Variants in CCDC171 observed in about 807,000 individuals in gnomAD.
CCDC171 encodes coiled-coil domain containing 171.
A neutral mutation model predicts 168.2 loss-of-function variants in CCDC171; 177 were observed. That is an observed-to-expected ratio of 1.05 (90% CI 0.93 to 1.19). The LOEUF is 1.19. CCDC171 is among the 50% of genes most tolerant of loss of function. The pLI, the probability that CCDC171 is intolerant of heterozygous loss-of-function variation, is 0.00. For missense variants in CCDC171, 1,991 were observed against 1,539.0 expected (o/e 1.29, Z -4.91); for synonymous variants, 687 against 540.8 (o/e 1.27, Z -3.75).
the CCDC171 span, among the ~76,000 whole-genome samples, chr9:16,090,875 G>C: frequency 6.6e-6 from 1 of 152,218 alleles, no homozygotes; most frequent in African/African-American, 2.4e-5. Flanking sequence ...TTCCTTTTAA[G>C]AGGGATGATC....
intron 10 of CCDC171, among the ~76,000 whole-genome samples, chr9:15,689,103 T>C (rs1465442114): frequency 1.3e-5 from 2 of 152,184 alleles, no homozygotes; most frequent in Non-Finnish European, 2.9e-5. Context: ...AAGGAAACAA[T>C]TCTATTGACA....
chr9:15,625,066 G>C (rs2044940628), intron 7 of CCDC171, among the ~76,000 whole-genome samples: 1 of 152,202 alleles, frequency 6.6e-6, no homozygotes, highest in Non-Finnish European at 1.5e-5. Context: ...CTGATGGTCA[G>C]TGATGATGAG....
At chr9:15,764,612 C>A in intron 18 of CCDC171, among the ~76,000 whole-genome samples, 1 of 152,106 alleles carries the variant, frequency 6.6e-6, no homozygotes, top group East Asian at 1.9e-4. Flanking sequence ...AAGAGAAAAT[C>A]AAGAGTTTTT....
intron 24 of CCDC171, 45 bp from the exon 25 acceptor site, chr9:15,920,225 A>C (rs754584049): frequency 2.5e-6 from 3 of 1,218,544 alleles, no homozygotes; most frequent in Non-Finnish European, 1.1e-6. Flanking sequence ...TCCTTTGGGG[A>C]CATATTTATT....
At chr9:15,750,268 G>T (rs2055629584) in intron 18 of CCDC171, among the ~76,000 whole-genome samples, 1 of 152,004 alleles carries the variant, frequency 6.6e-6, no homozygotes, top group African/African-American at 2.4e-5. Flanking sequence ...GACTAAACCA[G>T]GAAGAAGTCG....
intron 6 of CCDC171, among the ~76,000 whole-genome samples, chr9:15,617,803 T>C (rs543101661): frequency 6.6e-6 from 1 of 152,286 alleles, no homozygotes; most frequent in East Asian, 1.9e-4. Flanking sequence ...CTGCAGTTTG[T>C]AGGCCCTGTT....
At chr9:15,599,686 A>G (rs777756568) in intron 6 of CCDC171, among the ~76,000 whole-genome samples, 95 of 152,032 alleles carry the variant, frequency 6.2e-4, no homozygotes, top group Non-Finnish European at 6.8e-4. Context: ...TTGAATCTGA[A>G]TGTTGGCCTG....
chr9:15,623,902 T>C (rs2132094109), intron 7 of CCDC171, among the ~76,000 whole-genome samples: 1 of 152,338 alleles, frequency 6.6e-6, no homozygotes, highest in Non-Finnish European at 1.5e-5. Flanking sequence ...AGGATTTTTA[T>C]TCGTGAATGA....
At chr9:15,889,529 A>T (rs894192878) in intron 24 of CCDC171, among the ~76,000 whole-genome samples, 2 of 152,160 alleles carry the variant, frequency 1.3e-5, no homozygotes, top group African/African-American at 4.8e-5. Flanking sequence ...TGCCACTTGA[A>T]AACTCGAAAG....
At chr9:15,624,734 C>G (rs899906242) in intron 7 of CCDC171, among the ~76,000 whole-genome samples, 9 of 152,084 alleles carry the variant, frequency 5.9e-5, no homozygotes, top group Non-Finnish European at 8.8e-5. Context: ...TGGGTTGGTT[C>G]CAAGTCTTTG....
At chr9:15,945,907 G>A (rs1828308144) in intron 25 of CCDC171, among the ~76,000 whole-genome samples, 1 of 149,794 alleles carries the variant, frequency 6.7e-6, no homozygotes, top group African/African-American at 2.4e-5. Flanking sequence ...TGTCAATTTT[G>A]CCTTTGGTTG....
At chr9:15,647,860 C>G (rs547379531) in intron 7 of CCDC171, among the ~76,000 whole-genome samples, 1 of 152,188 alleles carries the variant, frequency 6.6e-6, no homozygotes, top group African/African-American at 2.4e-5. Context: ...CTATTCCAAT[C>G]AATAGAAAAA....
intron 23 of CCDC171, among the ~76,000 whole-genome samples, chr9:15,850,019 A>G (rs1253981398): frequency 6.6e-6 from 1 of 151,914 alleles, no homozygotes; most frequent in Non-Finnish European, 1.5e-5. Flanking sequence ...TTCCCATTTA[A>G]AAAAGTTTAG....
At chr9:15,893,225 A>T (rs1820448871) in intron 24 of CCDC171, among the ~76,000 whole-genome samples, 2 of 152,248 alleles carry the variant, frequency 1.3e-5, no homozygotes, top group African/African-American at 2.4e-5. Context: ...AGAACTGGCT[A>T]GCCATATGCA....
intron 11 of CCDC171, among the ~76,000 whole-genome samples, chr9:15,703,070 A>T (rs28785887): frequency 0.46 from 69,228 of 151,634 alleles, 16,104 homozygotes; most frequent in Non-Finnish European, 0.51. Flanking sequence ...CACCCAGCTA[A>T]TTTTTTTTAA....
At position 15,744,331 on chromosome 9, in the gene CCDC171, A is replaced by G. The variant is rs149728947; in HGVS notation, c.2108A>G (p.His703Arg). ...MEKLNHIEKS[H>R]EQLVLENSHF... ...AAATTGAACCATATTGAGAAGTCAC[A>G]TGAACAGTTGGTTCTTGAAAATTCG... The change falls in exon 17 of 26, where the codon CAT (histidine) becomes CGT (arginine). Residue 703 changes from histidine (H) to arginine (R), a missense_variant. Physicochemically the swap from His to Arg is conservative, Grantham distance 29. Coordinates refer to ENST00000380701, the MANE Select transcript of CCDC171 (RefSeq NM_173550.4). 131 of 1,613,332 alleles carry G rather than the reference A, an allele frequency of 8.1e-5. No individual in the cohort carries two copies. The highest frequency in any genetic ancestry group is 1.1e-4 in the Non-Finnish European group (124 of 1,179,756).
At chr9:16,035,040 G>C (rs1006798433) in intron 6 of CCDC171, among the ~76,000 whole-genome samples, 7 of 152,178 alleles carry the variant, frequency 4.6e-5, no homozygotes, top group African/African-American at 1.7e-4. Context: ...TGACGTCTCC[G>C]TTAGTAGGGC....
intron 6 of CCDC171, among the ~76,000 whole-genome samples, chr9:15,616,312 T>C (rs968108404): frequency 6.6e-6 from 1 of 152,120 alleles, no homozygotes; most frequent in East Asian, 1.9e-4. Flanking sequence ...TCTTGAACTC[T>C]TGAGTTCAAG....
At chr9:15,683,842 G>A (rs1041724738) in intron 10 of CCDC171, among the ~76,000 whole-genome samples, 2 of 152,036 alleles carry the variant, frequency 1.3e-5, no homozygotes, top group Admixed American at 6.6e-5. Context: ...TATATGTTAA[G>A]GCCCATGTTC....
Sources: gnomAD v4.1 joint callset for allele counts (sites outside exome capture counted in the v4.1 genomes callset) on GRCh38, gnomAD v4.1.1 for gene constraint, MANE v1.5 for transcripts, NCBI Gene and HGNC (gene_info 2026-07-23, HGNC 2026-07-21) for gene names.